The following SPATC1L variants were observed in gnomAD, a reference collection of about 807,000 sequenced individuals.
SPATC1L encodes spermatogenesis and centriole associated 1 like.
Under a neutral mutation model 21.2 loss-of-function variants are expected in SPATC1L, and 20 were observed. That is an observed-to-expected ratio of 0.94 (90% CI 0.66 to 1.37). The LOEUF (loss-of-function observed/expected upper bound fraction) is 1.37, where lower values mean the gene tolerates loss of function less well. SPATC1L is among the 40% of genes most tolerant of loss of function. The probability of loss-of-function intolerance (pLI) is 0.00; values close to 1 mark genes in which losing one functional copy is unlikely to be tolerated. For synonymous variants in SPATC1L, 290 were observed against 234.5 expected, an observed-to-expected ratio of 1.24 and a Z score of -2.16; for missense variants, 499 against 478.7, an observed-to-expected ratio of 1.04 and a Z score of -0.40.
intron 2 of SPATC1L, among the ~76,000 whole-genome samples, chr21:46,169,230 C>T (rs1375375025): frequency 6.6e-6 from 1 of 152,196 alleles, no homozygotes; most frequent in Non-Finnish European, 1.5e-5. Context: ...ATTGGCCTCC[C>T]GGGAGGAGCC....
Position 46,168,546 on chromosome 21 carries a change from G to T in SPATC1L, c.306C>A (p.Thr102=). 1 of 1,511,446 alleles carries T rather than the reference G, an allele frequency of 6.6e-7. No homozygotes were observed. Among genetic ancestry groups the T allele is most frequent in the African/African-American group, 1.4e-5 (1 of 72,382 alleles). The allele number at this position is 1,511,446 out of a possible 1,614,324, so 93.6% of individuals were successfully genotyped here. The change falls in exon 3 of 5, where the codon ACC becomes ACA. Residue 102 remains threonine (T), a synonymous_variant. Transcript: ENST00000291672. The part of the protein sequence containing the change: ...SHAPLSSEDD[T]SPGCAAPSQA... Reference sequence around the variant, plus strand: ...GGGAGGGGGCTGCACAGCCCGGGGAGGTGTCGTCCTCGCTGGACAGGGGGG... The same window carrying T: ...GGGAGGGGGCTGCACAGCCCGGGGATGTGTCGTCCTCGCTGGACAGGGGGG...
intron 2 of SPATC1L, among the ~76,000 whole-genome samples, chr21:46,171,179 C>A (rs989148128): frequency 5.3e-5 from 8 of 152,232 alleles, no homozygotes; most frequent in Non-Finnish European, 1.2e-4. Flanking sequence ...CCCAACCAGG[C>A]TGATGAGGTC....
intron 2 of SPATC1L, among the ~76,000 whole-genome samples, chr21:46,179,474 C>T (rs1569004585): frequency 6.6e-6 from 1 of 152,106 alleles, no homozygotes; most frequent in Non-Finnish European, 1.5e-5. Context: ...TGCTATTTAC[C>T]TCAAGGGGAA....
intron 2 of SPATC1L, among the ~76,000 whole-genome samples, chr21:46,179,142 G>A (rs1205968353): frequency 1.3e-5 from 2 of 151,898 alleles, no homozygotes; most frequent in East Asian, 3.9e-4. Flanking sequence ...AGCTACTCAG[G>A]AGGCTGAGGT....
chr21:46,166,396 G>A (rs931358308), intron 3 of SPATC1L, among the ~76,000 whole-genome samples: 1 of 151,600 alleles, frequency 6.6e-6, no homozygotes, highest in Non-Finnish European at 1.5e-5. Context: ...CAGTCAAATC[G>A]ATGAATGATA....
At chr21:46,177,011 G>C (rs1006330913) in intron 2 of SPATC1L, among the ~76,000 whole-genome samples, 4 of 152,148 alleles carry the variant, frequency 2.6e-5, no homozygotes, top group African/African-American at 9.7e-5. Context: ...CAAGCAATGA[G>C]GAAAGGACTC....
At chr21:46,179,312 G>A (rs574186076) in intron 2 of SPATC1L, among the ~76,000 whole-genome samples, 5 of 151,918 alleles carry the variant, frequency 3.3e-5, no homozygotes, top group Admixed American at 2.6e-4. Flanking sequence ...TTAGGAGGTC[G>A]AGACAGAAGG....
chr21:46,183,085 T>C lies in SPATC1L; in HGVS notation c.-269A>G, dbSNP rs2079689223. ...CCACATTATGACCAGGGCCCGAGAA[T>C]GCCAAGGACATTAGGCAGCTACGGG... On this transcript the variant is annotated 5_prime_UTR_variant, in exon 2 of 5. Coordinates refer to ENST00000291672, the MANE Select transcript of SPATC1L (RefSeq NM_001142854.2). 1 of 466,268 alleles carries C rather than the reference T, an allele frequency of 2.1e-6. No individual in the cohort carries two copies. The highest frequency in any genetic ancestry group is 2.0e-5 in the African/African-American group (1 of 49,436). The allele number at this position is 466,268 out of a possible 1,614,324, so 28.9% of individuals were successfully genotyped here. A position where few individuals can be genotyped will look rare whatever the true frequency, so the allele number is the denominator to read the frequency against.
chr21:46,166,415 G>C (rs1188423303), intron 3 of SPATC1L, among the ~76,000 whole-genome samples: 1 of 151,942 alleles, frequency 6.6e-6, no homozygotes, highest in African/African-American at 2.4e-5. Flanking sequence ...TAGTATGTGA[G>C]TTTGGTCAAA....
intron 3 of SPATC1L, among the ~76,000 whole-genome samples, chr21:46,163,089 A>G (rs886444555): frequency 1.3e-5 from 2 of 152,218 alleles, no homozygotes; most frequent in African/African-American, 2.4e-5. Context: ...TGATTCGAGC[A>G]TCTTTTCACG....
intron 2 of SPATC1L, among the ~76,000 whole-genome samples, 163 bp from the exon 3 acceptor site, chr21:46,168,821 A>C (rs58861127): frequency 1.6e-4 from 25 of 152,012 alleles, no homozygotes; most frequent in African/African-American, 6.0e-4. Context: ...TCAGGCCTCA[A>C]GTGTAAAAGG....
At chr21:46,180,233 G>T (rs1049820990) in intron 2 of SPATC1L, among the ~76,000 whole-genome samples, 5 of 152,194 alleles carry the variant, frequency 3.3e-5, no homozygotes, top group Admixed American at 6.5e-5. Context: ...AGGACTGGTG[G>T]GGAATGCCGC....
At chr21:46,177,132 T>C (rs991918697) in intron 2 of SPATC1L, among the ~76,000 whole-genome samples, 1 of 152,224 alleles carries the variant, frequency 6.6e-6, no homozygotes, top group Non-Finnish European at 1.5e-5. Context: ...ATTATAGACT[T>C]AGATGTAAAA....
intron 2 of SPATC1L, among the ~76,000 whole-genome samples, chr21:46,178,639 C>T (rs1234806569): frequency 2.0e-5 from 3 of 152,050 alleles, no homozygotes; most frequent in African/African-American, 7.2e-5. Context: ...GTAATCCCAG[C>T]ACTTTGGGAG....
At chr21:46,171,224 C>T (rs1001673667) in intron 2 of SPATC1L, among the ~76,000 whole-genome samples, 2 of 152,234 alleles carry the variant, frequency 1.3e-5, no homozygotes, top group African/African-American at 4.8e-5. Flanking sequence ...CCAAATTTAG[C>T]TTATCTATGC....
intron 3 of SPATC1L, among the ~76,000 whole-genome samples, chr21:46,165,148 C>T (rs1230944034): frequency 6.6e-6 from 1 of 152,166 alleles, no homozygotes; most frequent in African/African-American, 2.4e-5. Flanking sequence ...ATGAAATTGA[C>T]CAATTCCTTA....
At chr21:46,177,674 C>G (rs553755907) in intron 2 of SPATC1L, among the ~76,000 whole-genome samples, 1 of 152,286 alleles carries the variant, frequency 6.6e-6, no homozygotes, top group Non-Finnish European at 1.5e-5. Flanking sequence ...ATTAGTTCAG[C>G]CATTGTGGAA....
chr21:46,161,584 G>A lies in SPATC1L; in HGVS notation c.818C>T (p.Ala273Val), dbSNP rs547788669. 59 of 1,610,326 alleles carry A rather than the reference G, an allele frequency of 3.7e-5. No individual in the cohort carries two copies. Among genetic ancestry groups the A allele is most frequent in the Admixed American group, 1.0e-4 (6 of 59,728 alleles). ...KLGYSRDVHP[A>V]FSEFLINTYG... ...GGTGTTGATGAGGAACTCGCTGAAC[G>A]CCGGGTGCACGTCGCGGCTGTAGCC... Residue 273 changes from alanine (A) to valine (V), a missense_variant, in exon 5 of 5, where the codon GCG (alanine) becomes GTG (valine). Physicochemically the swap from Ala to Val is moderately conservative, Grantham distance 64. Transcript: ENST00000291672.
Position 46,162,053 on chromosome 21 carries a change from C to G in SPATC1L, c.559G>C (p.Ala187Pro), listed in dbSNP as rs775179335. 5.1e-6 allele frequency: 8 copies of G among 1,579,020 alleles called. No individual in the cohort carries two copies. In the East Asian group the frequency reaches 1.8e-4, roughly 36 times the overall value. Residue 187 changes from alanine to proline, a missense_variant, in exon 4 of 5, where the codon GCG (alanine) becomes CCG (proline). Coordinates refer to ENST00000291672, the MANE Select transcript of SPATC1L (RefSeq NM_001142854.2). ...ACGCGCGCGTCCTTCTCGGCGCCCGCGAAGCTCTGGATCTCTGGGGGAGGG... is the reference window on the plus strand; with the variant it reads ...ACGCGCGCGTCCTTCTCGGCGCCCGGGAAGCTCTGGATCTCTGGGGGAGGG... ...SYYLNEIQSF[A>P]GAEKDARVVG...
Sources: gnomAD v4.1 joint callset for allele counts (sites outside exome capture counted in the v4.1 genomes callset) on GRCh38, gnomAD v4.1.1 for gene constraint, MANE v1.5 for transcripts, NCBI Gene and HGNC (gene_info 2026-07-23, HGNC 2026-07-21) for gene names.